MICU1: variants seen among roughly 807,000 people sequenced by gnomAD.
MICU1 encodes the protein calcium uptake protein 1, mitochondrial.
A neutral mutation model predicts 56.8 loss-of-function variants in MICU1; 45 were observed. That is an observed-to-expected ratio of 0.79 (90% CI 0.62 to 1.02). The LOEUF is 1.02. MICU1 is among the 50% of genes least tolerant of loss of function. The probability of loss-of-function intolerance (pLI) is 0.00; values close to 1 mark genes in which losing one functional copy is unlikely to be tolerated. For synonymous variants in MICU1, 186 were observed against 195.1 expected, an observed-to-expected ratio of 0.95 and a Z score of 0.39; for missense variants, 504 against 587.1, an observed-to-expected ratio of 0.86 and a Z score of 1.46.
At chr10:72,446,888 T>C (rs1476141966) in intron 8 of MICU1, among the ~76,000 whole-genome samples, 2 of 152,200 alleles carry the variant, frequency 1.3e-5, no homozygotes, top group African/African-American at 4.8e-5. Flanking sequence ...GTGGTCACAC[T>C]TGCTTCTGTT....
chr10:72,403,030 T>C (rs189391060), intron 10 of MICU1, among the ~76,000 whole-genome samples: 267 of 152,200 alleles, frequency 1.8e-3, no homozygotes, highest in Non-Finnish European at 3.2e-3. Context: ...GCCTGTCTCA[T>C]AAATAAACAA....
At chr10:72,549,652 C>T (rs925349169) in intron 4 of MICU1, among the ~76,000 whole-genome samples, 9 of 151,906 alleles carry the variant, frequency 5.9e-5, no homozygotes, top group South Asian at 2.1e-4. Context: ...GTTTCTTAGC[C>T]GGGTGCAGTG....
At chr10:72,399,780 T>A (rs779353832) in intron 10 of MICU1, among the ~76,000 whole-genome samples, 1 of 151,740 alleles carries the variant, frequency 6.6e-6, no homozygotes, top group African/African-American at 2.4e-5. Context: ...CTGGCCAACA[T>A]GGTAAAACCC....
chr10:72,498,410 A>G (rs1313809755), intron 6 of MICU1, among the ~76,000 whole-genome samples: 3 of 152,094 alleles, frequency 2.0e-5, no homozygotes, highest in Admixed American at 1.3e-4. Flanking sequence ...ACACGGTGAA[A>G]CCCCGTCTCT....
At chr10:72,535,669 AT>A (rs1354424552) in intron 4 of MICU1, among the ~76,000 whole-genome samples, 2 of 152,086 alleles carry the variant, frequency 1.3e-5, no homozygotes, top group Non-Finnish European at 2.9e-5. Flanking sequence ...AATCCTAAAG[AT>A]TTTCAGGAAA....
chr10:72,408,899 T>G (rs1023063289), intron 9 of MICU1, among the ~76,000 whole-genome samples: 2 of 152,188 alleles, frequency 1.3e-5, no homozygotes, highest in Non-Finnish European at 2.9e-5. Flanking sequence ...ACAAAGTAAT[T>G]TGCCACTTAA....
At chr10:72,431,995 T>C (rs999608774) in intron 8 of MICU1, among the ~76,000 whole-genome samples, 4 of 152,132 alleles carry the variant, frequency 2.6e-5, no homozygotes, top group Non-Finnish European at 4.4e-5. Flanking sequence ...CCTCTGTGAA[T>C]TTTTTATGTT....
At chr10:72,491,034 G>A (rs7912170) in intron 6 of MICU1, among the ~76,000 whole-genome samples, 86,378 of 151,934 alleles carry the variant, frequency 0.57, 25,485 homozygotes, top group Non-Finnish European at 0.67. Context: ...ATTATGAACC[G>A]GGACAGTCCC....
chr10:72,442,760 T>C (rs971030207), intron 8 of MICU1, among the ~76,000 whole-genome samples: 2 of 152,144 alleles, frequency 1.3e-5, no homozygotes, highest in African/African-American at 2.4e-5. Flanking sequence ...TGCATTATAT[T>C]GTCCTTTATT....
intron 4 of MICU1, among the ~76,000 whole-genome samples, chr10:72,540,507 T>G (rs1321257483): frequency 6.6e-6 from 1 of 151,856 alleles, no homozygotes; most frequent in Non-Finnish European, 1.5e-5. Flanking sequence ...GACACTTGTC[T>G]CTACAAAAAA....
intron 3 of MICU1, among the ~76,000 whole-genome samples, chr10:72,559,769 G>A (rs1467955784): frequency 6.6e-6 from 1 of 152,188 alleles, no homozygotes; most frequent in East Asian, 1.9e-4. Flanking sequence ...GCCCTGGGCC[G>A]TGGACTGGTA....
chr10:72,524,671 C>A (rs1867916139), intron 5 of MICU1: 1 of 1,167,468 alleles, frequency 8.6e-7, no homozygotes, highest in African/African-American at 1.6e-5. Flanking sequence ...ACCTTTGTTC[C>A]TGAAGCATTA....
intron 8 of MICU1, among the ~76,000 whole-genome samples, chr10:72,469,278 T>C (rs567817333): frequency 6.6e-6 from 1 of 152,098 alleles, no homozygotes; most frequent in East Asian, 1.9e-4. Flanking sequence ...CAGAAATAAC[T>C]AAATGGAACA....
intron 11 of MICU1, among the ~76,000 whole-genome samples, chr10:72,372,144 G>A (rs552010741): frequency 6.6e-6 from 1 of 151,970 alleles, no homozygotes; most frequent in South Asian, 2.1e-4. Context: ...CAAAGCAAGA[G>A]GACAGCTTTA....
chr10:72,508,144 T>C lies in MICU1; in HGVS notation c.652+11A>G, dbSNP rs1361323950. The C allele has an allele frequency of 9.1e-6, 13 of 1,423,782 alleles. No individual in the cohort carries two copies. The highest frequency in any genetic ancestry group is 1.2e-5 in the Non-Finnish European group (13 of 1,051,680). 88.2% of individuals were successfully genotyped at this position (1,423,782 alleles called of 1,614,324 possible). A position where few individuals can be genotyped will look rare whatever the true frequency, so the allele number is the denominator to read the frequency against. On this transcript the variant is annotated intron_variant, in intron 6 of 11. Transcript: ENST00000361114. ...GCTCTACAAATGGAAAAAGAAAACGTTTATACTTACTGGAAAGAACAGTTG... is the reference window on the plus strand; with the variant it reads ...GCTCTACAAATGGAAAAAGAAAACGCTTATACTTACTGGAAAGAACAGTTG...
At chr10:72,500,803 T>C (rs1484899714) in intron 6 of MICU1, among the ~76,000 whole-genome samples, 3 of 152,216 alleles carry the variant, frequency 2.0e-5, no homozygotes, top group Non-Finnish European at 4.4e-5. Context: ...TAGTGAATCT[T>C]AGCATTAGTA....
chr10:72,596,822 G>A lies in MICU1; in HGVS notation c.-2+29188C>T, dbSNP rs559266470. Among the ~76,000 whole-genome samples the A allele has an allele frequency of 1.9e-4, 29 of 150,296 alleles. 1 individual carries two copies. Among genetic ancestry groups the A allele is most frequent in the Middle Eastern group, 7.0e-3 (2 of 284 alleles). ...CAGGAGGCAGAGGTTGCAATGAGCC[G>A]AGATGGCGCCACTGCACTCCAGCCT... On this transcript the variant is annotated intron_variant, in intron 1 of 11. Transcript: ENST00000361114.
chr10:72,548,652 T>G (rs944818964), intron 4 of MICU1, among the ~76,000 whole-genome samples: 1 of 152,250 alleles, frequency 6.6e-6, no homozygotes, highest in Admixed American at 6.5e-5. Flanking sequence ...TTATATTTTC[T>G]ACTTTTCATG....
intron 8 of MICU1, among the ~76,000 whole-genome samples, chr10:72,428,630 T>A (rs1864426308): frequency 6.6e-6 from 1 of 152,090 alleles, no homozygotes; most frequent in South Asian, 2.1e-4. Context: ...TTAAAAATGG[T>A]TTTTAAGAAA....
Sources: gnomAD v4.1 joint callset for allele counts (sites outside exome capture counted in the v4.1 genomes callset) on GRCh38, gnomAD v4.1.1 for gene constraint, MANE v1.5 for transcripts, NCBI Gene and HGNC (gene_info 2026-07-23, HGNC 2026-07-21) for gene names.